Variants in TACR3 observed in about 807,000 individuals in gnomAD.
The protein encoded by TACR3 is neuromedin-K receptor.
TACR3 carries 34 observed loss-of-function variants against 35.0 expected under a neutral mutation model. The observed-to-expected ratio is 0.97, with a 90% CI of 0.74 to 1.30. The LOEUF (loss-of-function observed/expected upper bound fraction) is 1.30, where lower values mean the gene tolerates loss of function less well. Among genes scored for constraint, TACR3 ranks in the 50% most tolerant of loss-of-function variants. The pLI, the probability that TACR3 is intolerant of heterozygous loss-of-function variation, is 0.00. For synonymous variants in TACR3, 233 were observed against 221.1 expected, an observed-to-expected ratio of 1.05 and a Z score of -0.48; for missense variants, 558 against 591.7, an observed-to-expected ratio of 0.94 and a Z score of 0.59.
chr4:103,652,919 C>T (rs1194237259), intron 3 of TACR3, among the ~76,000 whole-genome samples: 2 of 151,802 alleles, frequency 1.3e-5, no homozygotes, highest in Non-Finnish European at 2.9e-5. Flanking sequence ...GTATTCTAAA[C>T]AACTCCAGAA....
At chr4:103,687,884 T>G (rs1392122880) in intron 1 of TACR3, among the ~76,000 whole-genome samples, 1 of 152,076 alleles carries the variant, frequency 6.6e-6, no homozygotes, top group Non-Finnish European at 1.5e-5. Flanking sequence ...CTTCACAGAA[T>G]TAGAAAAAAC....
chr4:103,654,356 AC>A (rs1236466404), intron 3 of TACR3, among the ~76,000 whole-genome samples: 1 of 151,850 alleles, frequency 6.6e-6, no homozygotes, highest in Non-Finnish European at 1.5e-5. Context: ...ACCATGGAAT[AC>A]TATGCAGCCA....
intron 1 of TACR3, among the ~76,000 whole-genome samples, chr4:103,718,743 G>A (rs1328475523): frequency 6.6e-6 from 1 of 152,146 alleles, no homozygotes; most frequent in East Asian, 1.9e-4. Context: ...AGAGAAGGAA[G>A]GCCAAAAAGT....
chr4:103,689,961 G>T (rs1722362555), intron 1 of TACR3, among the ~76,000 whole-genome samples: 2 of 151,954 alleles, frequency 1.3e-5, no homozygotes, highest in Admixed American at 1.3e-4. Flanking sequence ...CAGTTGACAA[G>T]AGAAAAATAA....
At chr4:103,693,709 T>C (rs1334953587) in intron 1 of TACR3, among the ~76,000 whole-genome samples, 1 of 152,150 alleles carries the variant, frequency 6.6e-6, no homozygotes, top group Admixed American at 6.5e-5. Flanking sequence ...GTTTGCTTTA[T>C]CATCTAATTA....
At chr4:103,717,641 T>G (rs754663478) in intron 1 of TACR3, among the ~76,000 whole-genome samples, 4 of 152,112 alleles carry the variant, frequency 2.6e-5, no homozygotes, top group Non-Finnish European at 5.9e-5. Flanking sequence ...TAACATTATA[T>G]GCTAATACCT....
intron 3 of TACR3, among the ~76,000 whole-genome samples, chr4:103,623,026 A>G (rs1351209903): frequency 6.6e-6 from 1 of 152,182 alleles, no homozygotes; most frequent in Non-Finnish European, 1.5e-5. Context: ...CTGTCCTCCA[A>G]CTGGAGTATA....
intron 1 of TACR3, among the ~76,000 whole-genome samples, chr4:103,665,823 T>A (rs1432207574): frequency 3.3e-5 from 5 of 152,212 alleles, no homozygotes; most frequent in Non-Finnish European, 7.3e-5. Context: ...TCTGTCACTA[T>A]TCTTAAATCA....
intron 1 of TACR3, among the ~76,000 whole-genome samples, chr4:103,675,148 A>G (rs1357319300): frequency 3.9e-5 from 6 of 152,156 alleles, no homozygotes; most frequent in Non-Finnish European, 7.4e-5. Context: ...AGTCTTATGC[A>G]TCCAATTTCT....
intron 4 of TACR3, among the ~76,000 whole-genome samples, chr4:103,590,266 G>A (rs1723864929): frequency 6.6e-6 from 1 of 152,080 alleles, no homozygotes; most frequent in Admixed American, 6.6e-5. Context: ...AATAGCGAAT[G>A]CATAGCATCA....
chr4:103,654,792 T>C (rs1725698124), intron 3 of TACR3, among the ~76,000 whole-genome samples: 1 of 152,048 alleles, frequency 6.6e-6, no homozygotes, highest in Admixed American at 6.6e-5. Flanking sequence ...ACATCAGTCA[T>C]TGACTCTGAT....
chr4:103,615,390 TGTGTGTGTGA>T (rs1560807671), intron 3 of TACR3, among the ~76,000 whole-genome samples: 2 of 98,458 alleles, frequency 2.0e-5, no homozygotes, highest in African/African-American at 4.1e-5. Context: ...TGTGTGTGTG[TGTGTGTGTGA>T]GAGAGAGAGA....
chr4:103,709,494 C>G (rs1722886208), intron 1 of TACR3, among the ~76,000 whole-genome samples: 1 of 152,188 alleles, frequency 6.6e-6, no homozygotes, highest in Non-Finnish European at 1.5e-5. Flanking sequence ...CCTAAAAGAG[C>G]TCCTGAAGGA....
At chr4:103,594,956 G>T (rs1418422234) in intron 3 of TACR3, among the ~76,000 whole-genome samples, 7 of 152,082 alleles carry the variant, frequency 4.6e-5, no homozygotes, top group African/African-American at 1.7e-4. Context: ...ATCTTGTAGT[G>T]TTATTTCAGA....
rs1553972885 is a variant in TACR3, at chr4:103,662,217, G to GGTTTTTTTTTTTTTTTT, written c.549-3815_549-3814insAAAAAAAAAAAAAAAAC. Among the ~76,000 whole-genome samples, 3 of 86,272 alleles carry GGTTTTTTTTTTTTTTTT rather than the reference G, an allele frequency of 3.5e-5. 1 individual carries two copies. Among genetic ancestry groups the GGTTTTTTTTTTTTTTTT allele is most frequent in the African/African-American group, 1.0e-4 (2 of 19,538 alleles). 56.6% of individuals were successfully genotyped at this position (86,272 alleles called of 152,430 possible). ...TGTGAAAAACTCCTATGTTGATGGT[G>GGTTTTTTTTTTTTTTTT]TTTTTTTTTTTTTTTTTTTTGAGAC... is the stretch of plus-strand genomic sequence containing the variant. On this transcript the variant is annotated intron_variant, in intron 1 of 4. Transcript: ENST00000304883.
intron 3 of TACR3, among the ~76,000 whole-genome samples, chr4:103,598,256 G>T (rs914140731): frequency 3.9e-5 from 6 of 152,276 alleles, no homozygotes; most frequent in African/African-American, 1.4e-4. Flanking sequence ...GTCTTCTTTT[G>T]AGAAGTGTCT....
chr4:103,662,629 T>G (rs1284408140), intron 1 of TACR3, among the ~76,000 whole-genome samples: 1 of 152,140 alleles, frequency 6.6e-6, no homozygotes, highest in African/African-American at 2.4e-5. Flanking sequence ...ACATAGGTAA[T>G]TGGGCTTAAA....
chr4:103,628,969 G>A (rs945361525), intron 3 of TACR3, among the ~76,000 whole-genome samples: 78 of 152,294 alleles, frequency 5.1e-4, no homozygotes, highest in African/African-American at 1.8e-3. Context: ...TCCCTGGGAT[G>A]CAAGGCTGGT....
intron 3 of TACR3, among the ~76,000 whole-genome samples, chr4:103,621,637 G>GGAAA (rs1401961357): frequency 1.4e-4 from 22 of 152,240 alleles, no homozygotes; most frequent in African/African-American, 4.6e-4. Flanking sequence ...CATTGATTAA[G>GGAAA]GAAAGGGAAA....
Sources: gnomAD v4.1 joint callset for allele counts (sites outside exome capture counted in the v4.1 genomes callset) on GRCh38, gnomAD v4.1.1 for gene constraint, MANE v1.5 for transcripts, NCBI Gene and HGNC (gene_info 2026-07-23, HGNC 2026-07-21) for gene names.